The following KIF9 variants were observed in gnomAD, a reference collection of about 807,000 sequenced individuals.
KIF9 encodes the protein kinesin-like protein KIF9.
KIF9 carries 68 observed loss-of-function variants against 94.8 expected under a neutral mutation model. The ratio of observed to expected loss-of-function variants is 0.72; its 90% CI spans 0.59 to 0.88. The LOEUF (loss-of-function observed/expected upper bound fraction) is 0.88, where lower values mean the gene tolerates loss of function less well. Among genes scored for constraint, KIF9 ranks in the 40% least tolerant of loss-of-function variants. KIF9 has a pLI of 0.00. For synonymous variants in KIF9, 343 were observed against 362.1 expected (o/e 0.95, Z 0.60); for missense variants, 882 against 982.5 (o/e 0.90, Z 1.37).
At chr3:47,279,695 C>A (rs1221862950) in intron 1 of KIF9, among the ~76,000 whole-genome samples, 1 of 151,652 alleles carries the variant, frequency 6.6e-6, no homozygotes, top group Non-Finnish European at 1.5e-5. Context: ...CAGCTCACTG[C>A]AAGCTCCGCC....
At chr3:47,235,968 A>T (rs1874264) in intron 19 of KIF9, 66 bp downstream of exon 19, 5 of 1,206,176 alleles carry the variant, frequency 4.1e-6, no homozygotes, top group Non-Finnish European at 6.1e-6. Flanking sequence ...GAGAACAGAC[A>T]TCAAGGGGCA....
At chr3:47,276,594 C>T (rs189969584) in intron 2 of KIF9, among the ~76,000 whole-genome samples, 335 of 150,866 alleles carry the variant, frequency 2.2e-3, no homozygotes, top group Middle Eastern at 7.0e-3. Context: ...GAAAGAAAGA[C>T]TTGGTCCACT....
chr3:47,280,650 C>T (rs1306952492), intron 1 of KIF9, among the ~76,000 whole-genome samples: 1 of 152,206 alleles, frequency 6.6e-6, no homozygotes, highest in African/African-American at 2.4e-5. Flanking sequence ...CACCACTGCT[C>T]TCCAGCCTGG....
intron 20 of KIF9, among the ~76,000 whole-genome samples, chr3:47,234,117 A>G (rs1337451333): frequency 6.6e-6 from 1 of 151,982 alleles, no homozygotes; most frequent in Non-Finnish European, 1.5e-5. Flanking sequence ...GAGAAAACTG[A>G]GGGGAACACT....
In KIF9 at chr3:47,244,847, G is replaced by T. The variant is rs1266244675; in HGVS notation, c.1458C>A (p.Phe486Leu). ...GQNFGLGVAP[F>L]STKPGKKAKS... is the part of the protein sequence containing the mutation. ...TGGCTTTCTTCCCAGGTTTGGTAGA[G>T]AAAGGGGCGACTCCGAGTCCAAAGT... The change falls in exon 15 of 21, where the codon TTC becomes TTA. Residue 486 changes from phenylalanine to leucine, a missense_variant. Phe to Leu is a conservative substitution (Grantham distance 22, BLOSUM62 0). Coordinates refer to ENST00000684063, the MANE Select transcript of KIF9 (RefSeq NM_182902.4). 2.5e-6 allele frequency: 4 copies of T among 1,614,058 alleles called. No homozygotes were observed. The African/African-American group carries it at 5.3e-5, about 22-fold the overall frequency.
At chr3:47,270,230 C>T (rs1475741050) in intron 5 of KIF9, among the ~76,000 whole-genome samples, 1 of 150,658 alleles carries the variant, frequency 6.6e-6, no homozygotes, top group Admixed American at 6.6e-5. Context: ...AGTAAGGATG[C>T]TAATTCTTAT....
At chr3:47,274,801 C>T (rs1265089379) in intron 3 of KIF9, among the ~76,000 whole-genome samples, 3 of 152,342 alleles carry the variant, frequency 2.0e-5, no homozygotes, top group Middle Eastern at 3.4e-3. Context: ...GGATAAATTA[C>T]AGCATCTACA....
At chr3:47,251,719 G>A (rs189051870) in intron 10 of KIF9, among the ~76,000 whole-genome samples, 1 of 152,294 alleles carries the variant, frequency 6.6e-6, no homozygotes, top group East Asian at 1.9e-4. Context: ...CAGGCTGTGG[G>A]GCAGCTCTTG....
intron 9 of KIF9, among the ~76,000 whole-genome samples, chr3:47,263,143 C>T (rs1426965944): frequency 1.3e-5 from 2 of 152,150 alleles, no homozygotes; most frequent in Admixed American, 1.3e-4. Flanking sequence ...GTGATCCACC[C>T]GCTTCAGCCT....
intron 10 of KIF9, among the ~76,000 whole-genome samples, chr3:47,252,608 T>C (rs376053515): frequency 6.7e-6 from 1 of 149,690 alleles, no homozygotes; most frequent in East Asian, 2.0e-4. Flanking sequence ...AAAACAATAA[T>C]AAAAAATAAA....
chr3:47,260,052 G>T (rs905355069), intron 9 of KIF9, among the ~76,000 whole-genome samples: 5 of 113,806 alleles, frequency 4.4e-5, no homozygotes, highest in Non-Finnish European at 9.0e-5. Flanking sequence ...CCTGGGCAAT[G>T]GAATGTCTCG....
intron 1 of KIF9, among the ~76,000 whole-genome samples, chr3:47,279,080 A>T (rs1490976483): frequency 1.3e-5 from 2 of 149,208 alleles, no homozygotes; most frequent in African/African-American, 4.9e-5. Flanking sequence ...GAATCACTTG[A>T]GCCTGGGGAA....
At chr3:47,269,026 G>T (rs895436294) in intron 5 of KIF9, among the ~76,000 whole-genome samples, 3 of 152,018 alleles carry the variant, frequency 2.0e-5, no homozygotes, top group African/African-American at 7.3e-5. Flanking sequence ...CGCCTGCCCC[G>T]GCCTCCCAAA....
Position 47,282,735 on chromosome 3 carries a change from G to A in KIF9, c.-246C>T, listed in dbSNP as rs529840543. 2.1e-6 allele frequency: 3 copies of A among 1,414,964 alleles called. No individual in the cohort carries two copies. Among genetic ancestry groups the A allele is most frequent in the Middle Eastern group, 2.6e-4 (1 of 3,820 alleles). 87.7% of individuals were successfully genotyped at this position (1,414,964 alleles called of 1,614,324 possible). A position where few individuals can be genotyped will look rare whatever the true frequency, so the allele number is the denominator to read the frequency against. On this transcript the variant is annotated 5_prime_UTR_variant, in exon 1 of 21. Coordinates refer to ENST00000684063, the MANE Select transcript of KIF9 (RefSeq NM_182902.4). ...CCGATTGATCTAGAAAGACTTCGGCGGATGCACATGCGAAGTCAAGGTCGA... is the reference window on the plus strand; with the variant it reads ...CCGATTGATCTAGAAAGACTTCGGCAGATGCACATGCGAAGTCAAGGTCGA...
In KIF9 at chr3:47,246,185, G is replaced by A. The variant is rs761178954; in HGVS notation, c.1289+12C>T. The A allele has an allele frequency of 6.2e-7, 1 of 1,610,916 alleles. No individual in the cohort carries two copies. The highest frequency in any genetic ancestry group is 1.7e-5 in the Admixed American group (1 of 59,968). ...CTGATGTAGGAATGAGGTAGGGGTG[G>A]GGGTCTCTCACCTCAGAACCACCCG... is the stretch of plus-strand genomic sequence containing the variant. On this transcript the variant is annotated intron_variant, in intron 13 of 20. Coordinates refer to ENST00000684063, the MANE Select transcript of KIF9 (RefSeq NM_182902.4).
Position 47,273,661 on chromosome 3 carries a change from G to A in KIF9, c.260-3C>T. ...CTGCCCATAACACATGATGGTGCCT[G>A]CAAACATTTCAAAACACGGTGACAT... On this transcript the variant is annotated splice_region_variant and splice_polypyrimidine_tract_variant and intron_variant, in intron 3 of 20. Coordinates refer to ENST00000684063, the MANE Select transcript of KIF9 (RefSeq NM_182902.4). 1.9e-6 allele frequency: 3 copies of A among 1,611,584 alleles called. No homozygotes were observed. Among genetic ancestry groups the A allele is most frequent in the Non-Finnish European group, 2.5e-6 (3 of 1,178,292 alleles).
At chr3:47,230,687 C>T (rs951105143) in intron 20 of KIF9, among the ~76,000 whole-genome samples, 2 of 150,930 alleles carry the variant, frequency 1.3e-5, no homozygotes, top group African/African-American at 4.9e-5. Flanking sequence ...GCCAAGATCA[C>T]ACCATTGCAC....
rs749125741 is a variant in KIF9, at chr3:47,240,894, T to C, written c.1831A>G (p.Ser611Gly). ...GCATTGATGTGCTGTGTGGTCTCGC[T>C]GGCCCTTTTCCTCCGTTCATTCAAG... Reference protein sequence around the residue: ...SILNERRKRASETTQHINAIK... With the variant: ...SILNERRKRAGETTQHINAIK... Residue 611 changes from serine (S) to glycine (G), a missense_variant, in exon 17 of 21, where the codon AGC becomes GGC. By Grantham distance (56) the Ser-to-Gly change is moderately conservative (BLOSUM62 0). Coordinates refer to ENST00000684063, the MANE Select transcript of KIF9 (RefSeq NM_182902.4). 13 of 1,614,214 alleles carry C rather than the reference T, an allele frequency of 8.1e-6. No homozygotes were observed. The highest frequency in any genetic ancestry group is 5.0e-5 in the Admixed American group (3 of 60,026).
chr3:47,243,920 T>C (rs1699750556), intron 15 of KIF9: 1 of 152,270 alleles, frequency 6.6e-6, no homozygotes, highest in Admixed American at 6.5e-5. Flanking sequence ...ACCCATTGAA[T>C]ACTGCACTGA....
Sources: allele counts gnomAD v4.1 joint callset (sites outside exome capture counted in the v4.1 genomes callset), GRCh38; gene constraint gnomAD v4.1.1; transcripts MANE v1.5; gene names NCBI Gene and HGNC (gene_info 2026-07-23, HGNC 2026-07-21).